The following EIF5A2 variants were observed in gnomAD, a reference collection of about 807,000 sequenced individuals.
EIF5A2 encodes eukaryotic translation initiation factor 5A2.
EIF5A2 carries 15 observed loss-of-function variants against 16.4 expected under a neutral mutation model. That is an observed-to-expected ratio of 0.92 (90% CI 0.61 to 1.41). The LOEUF is 1.41. Ranked by LOEUF, EIF5A2 falls within the 40% of genes most tolerant of loss-of-function variation. The pLI, the probability that EIF5A2 is intolerant of heterozygous loss-of-function variation, is 0.00. For synonymous variants in EIF5A2, 48 were observed against 61.1 expected, an observed-to-expected ratio of 0.79 and a Z score of 1.00; for missense variants, 144 against 189.5, an observed-to-expected ratio of 0.76 and a Z score of 1.41.
In EIF5A2 at chr3:170,907,838, G is replaced by A. The variant is rs1054526508; in HGVS notation, c.-32C>T. The A allele has an allele frequency of 1.3e-6, 2 of 1,502,690 alleles. No homozygotes were observed. The highest frequency in any genetic ancestry group is 1.8e-6 in the Non-Finnish European group (2 of 1,113,718). 93.1% of individuals were successfully genotyped at this position (1,502,690 alleles called of 1,614,324 possible). On this transcript the variant is annotated 5_prime_UTR_variant, in exon 2 of 5. Coordinates refer to ENST00000295822, the MANE Select transcript of EIF5A2 (RefSeq NM_020390.6). ...CAGGGGAGATGGTAGTTTTTCCGTG[G>A]GAACTACACAAAAAGTTTGTGTTTG...
intron 3 of EIF5A2, among the ~76,000 whole-genome samples, chr3:170,896,512 C>G (rs556200616): frequency 6.6e-5 from 10 of 152,228 alleles, no homozygotes; most frequent in African/African-American, 2.2e-4. Context: ...TGAGTGAGTT[C>G]TCTTCAAAGT....
intron 3 of EIF5A2, among the ~76,000 whole-genome samples, chr3:170,897,350 C>T (rs1712699043): frequency 6.6e-6 from 1 of 152,216 alleles, no homozygotes; most frequent in Non-Finnish European, 1.5e-5. Flanking sequence ...GTCTCCAGGG[C>T]ATTCCAGATA....
intron 3 of EIF5A2, among the ~76,000 whole-genome samples, chr3:170,894,843 G>A (rs1351128776): frequency 1.3e-5 from 2 of 151,042 alleles, no homozygotes; most frequent in African/African-American, 4.9e-5. Context: ...TGGCTAACAC[G>A]GTGAAACCCC....
chr3:170,907,142 C>A, intron 2 of EIF5A2, 49 bp from the exon 3 acceptor site: 1 of 1,221,844 alleles, frequency 8.2e-7, no homozygotes, highest in South Asian at 1.3e-5. Flanking sequence ...AAGTATATCA[C>A]TCATTACACA....
At chr3:170,898,373 T>C (rs527706837) in intron 3 of EIF5A2, among the ~76,000 whole-genome samples, 20 of 152,168 alleles carry the variant, frequency 1.3e-4, no homozygotes, top group Middle Eastern at 3.2e-3. Flanking sequence ...TGAATTATAA[T>C]CCCCACATGT....
At chr3:170,897,629 C>T (rs149734777) in intron 3 of EIF5A2, among the ~76,000 whole-genome samples, 302 of 152,306 alleles carry the variant, frequency 2.0e-3, no homozygotes, top group African/African-American at 6.7e-3. Flanking sequence ...TGGGAGCCTC[C>T]GCCTAGATTT....
intron 3 of EIF5A2, among the ~76,000 whole-genome samples, chr3:170,901,042 G>A (rs928400134): frequency 6.6e-6 from 1 of 152,182 alleles, no homozygotes; most frequent in Non-Finnish European, 1.5e-5. Flanking sequence ...ATAAAAATCT[G>A]AACTGAATCT....
At position 170,894,801 on chromosome 3, in the gene EIF5A2, CG is replaced by C. The variant is rs1712628199; in HGVS notation, c.271-379del. Among the ~76,000 whole-genome samples, 3 of 150,162 alleles carry C rather than the reference CG, an allele frequency of 2.0e-5. No homozygotes were observed. The South Asian group carries it at 6.3e-4, about 31-fold the overall frequency. On this transcript the variant is annotated intron_variant, in intron 3 of 4. Coordinates refer to ENST00000295822, the MANE Select transcript of EIF5A2 (RefSeq NM_020390.6). ...CAGCACTTTGGGAGGCCGAGGCGGG[CG>C]GATCATGAGGTCAGGAGATTGAGAC...
intron 3 of EIF5A2, among the ~76,000 whole-genome samples, chr3:170,899,933 A>ATT (rs34915978): frequency 6.8e-6 from 1 of 146,290 alleles, no homozygotes; most frequent in African/African-American, 2.5e-5. Flanking sequence ...GTTTTTGAAC[A>ATT]TTTTTTTTTT....
intron 3 of EIF5A2, among the ~76,000 whole-genome samples, chr3:170,895,348 C>G (rs1469778494): frequency 6.7e-6 from 1 of 150,366 alleles, no homozygotes; most frequent in Admixed American, 6.6e-5. Flanking sequence ...AAAAAAAAAA[C>G]CCAGTTGTCA....
rs1015032402 is a variant in EIF5A2 at position 170,891,314 on chromosome 3, G to T, written c.*2046C>A. On this transcript the variant is annotated 3_prime_UTR_variant, in exon 5 of 5. Transcript: ENST00000295822. ...TACTAAGAAACTAGAGCAGTATGTA[G>T]TAGGTACTTAAATAGAATACTGGAA... is the stretch of plus-strand genomic sequence containing the variant. 4 of 152,580 alleles carry T rather than the reference G, an allele frequency of 2.6e-5. No homozygotes were observed. Among genetic ancestry groups the T allele is most frequent in the Admixed American group, 2.6e-4 (4 of 15,272 alleles). 9.5% of individuals were successfully genotyped at this position (152,580 alleles called of 1,614,324 possible).
chr3:170,900,678 TATTTC>T (rs1712787501), intron 3 of EIF5A2, among the ~76,000 whole-genome samples: 1 of 152,212 alleles, frequency 6.6e-6, no homozygotes. Flanking sequence ...AAAAAATATG[TATTTC>T]ATCATCTTTA....
At chr3:170,900,692 T>C (rs544561500) in intron 3 of EIF5A2, among the ~76,000 whole-genome samples, 2 of 152,336 alleles carry the variant, frequency 1.3e-5, no homozygotes, top group East Asian at 3.9e-4. Context: ...TCATCATCTT[T>C]AGTGGATGCT....
intron 3 of EIF5A2, among the ~76,000 whole-genome samples, chr3:170,894,956 G>C (rs1430441885): frequency 6.7e-6 from 1 of 149,284 alleles, no homozygotes; most frequent in Admixed American, 6.7e-5. Flanking sequence ...AACCCAGGAG[G>C]TGGAGCTTGC....
chr3:170,903,324 G>C (rs533811953), intron 3 of EIF5A2, among the ~76,000 whole-genome samples: 1 of 152,126 alleles, frequency 6.6e-6, no homozygotes, highest in Non-Finnish European at 1.5e-5. Flanking sequence ...CAGATAATTC[G>C]CTGGCTCACG....
rs144235995 is a variant in EIF5A2, at chr3:170,889,522, G to A, written c.*3838C>T. The A allele has an allele frequency of 2.0e-5, 3 of 152,306 alleles. No homozygotes were observed. Among genetic ancestry groups the A allele is most frequent in the Admixed American group, 2.0e-4 (3 of 15,244 alleles). The allele number at this position is 152,306 out of a possible 1,614,324, so 9.4% of individuals were successfully genotyped here. A position where few individuals can be genotyped will look rare whatever the true frequency, so the allele number is the denominator to read the frequency against. On this transcript the variant is annotated 3_prime_UTR_variant, in exon 5 of 5. Coordinates refer to ENST00000295822, the MANE Select transcript of EIF5A2 (RefSeq NM_020390.6). ...GTCTGAATGTTAGCAGAAAAAAAAG[G>A]CTTGAAAACTATGAAATATTATGCC...
intron 3 of EIF5A2, among the ~76,000 whole-genome samples, chr3:170,905,440 G>A (rs1712913188): frequency 6.6e-6 from 1 of 152,078 alleles, no homozygotes; most frequent in Non-Finnish European, 1.5e-5. Context: ...ACATGCAACA[G>A]GCAAAAGCAT....
At chr3:170,898,567 T>C (rs1417811011) in intron 3 of EIF5A2, among the ~76,000 whole-genome samples, 1 of 152,212 alleles carries the variant, frequency 6.6e-6, no homozygotes, top group African/African-American at 2.4e-5. Flanking sequence ...CCTTCCTCCA[T>C]GATTGTAAGT....
In EIF5A2 at chr3:170,890,811, A is replaced by G. The variant is rs2032369935; in HGVS notation, c.*2549T>C. The G allele has an allele frequency of 1.3e-5, 2 of 152,628 alleles. No homozygotes were observed. Among genetic ancestry groups the G allele is most frequent in the African/African-American group, 4.8e-5 (2 of 41,472 alleles). 9.5% of individuals were successfully genotyped at this position (152,628 alleles called of 1,614,324 possible). A position where few individuals can be genotyped will look rare whatever the true frequency, so the allele number is the denominator to read the frequency against. On this transcript the variant is annotated 3_prime_UTR_variant, in exon 5 of 5. Transcript: ENST00000295822. ...ACTTTAACATTTCTGATGTCTAAAA[A>G]GAATGAAGTCACTTCTGTTCTATGT...
Sources: gnomAD v4.1 joint callset for allele counts (sites outside exome capture counted in the v4.1 genomes callset) on GRCh38, gnomAD v4.1.1 for gene constraint, MANE v1.5 for transcripts, NCBI Gene and HGNC (gene_info 2026-07-23, HGNC 2026-07-21) for gene names.